SKI: variants seen among roughly 807,000 people sequenced by gnomAD.
SKI encodes ski oncogene.
SKI carries 23 observed loss-of-function variants against 59.3 expected under a neutral mutation model. That is an observed-to-expected ratio of 0.39 (90% CI 0.28 to 0.55). The LOEUF (loss-of-function observed/expected upper bound fraction) is 0.55. SKI is among the 20% of genes least tolerant of loss of function. SKI has a pLI of 0.67. For synonymous variants in SKI, 673 were observed against 488.6 expected (o/e 1.38, Z -4.98); for missense variants, 1,017 against 1,038.9 (o/e 0.98, Z 0.29).
chr1:2,255,260 G>A (rs1039284811), intron 1 of SKI, among the ~76,000 whole-genome samples: 2 of 152,034 alleles, frequency 1.3e-5, no homozygotes, highest in South Asian at 2.1e-4. Flanking sequence ...AGTGTGACAA[G>A]CACTATGGTG....
In SKI at chr1:2,268,074, G is replaced by C. The variant is rs1410182333; in HGVS notation, c.970-34904G>C. On this transcript the variant is annotated intron_variant, in intron 1 of 6. Transcript: ENST00000378536. The surrounding 1 kb of genome is among the most constrained non-coding windows in gnomAD (Gnocchi z 5.0). ...AGGCCAGGGCACTCCCAACAGCACT[G>C]CGTGGAGCTGGTGCCCACCCCTGTG... 6.6e-6 allele frequency among the ~76,000 whole-genome samples: 1 copy of C among 152,224 alleles called. No homozygotes were observed. Among genetic ancestry groups the C allele is most frequent in the African/African-American group, 2.4e-5 (1 of 41,472 alleles).
At chr1:2,261,533 T>C (rs1246800629) in intron 1 of SKI, among the ~76,000 whole-genome samples, 1 of 152,246 alleles carries the variant, frequency 6.6e-6, no homozygotes, top group Non-Finnish European at 1.5e-5. Flanking sequence ...AAATAATATA[T>C]TTTAAAAATT....
intron 1 of SKI, among the ~76,000 whole-genome samples, chr1:2,232,157 T>A (rs1208711906): frequency 2.0e-5 from 3 of 152,258 alleles, no homozygotes; most frequent in Admixed American, 2.0e-4. Flanking sequence ...TCTCGGGATA[T>A]GTTTTGATTT....
intron 5 of SKI, 38 bp downstream of exon 5, chr1:2,304,623 G>C (rs534115343): frequency 3.9e-6 from 6 of 1,521,682 alleles, no homozygotes; most frequent in African/African-American, 1.4e-5. Flanking sequence ...TCCAGGGCAC[G>C]GGCAGTGAGC....
At chr1:2,294,672 A>T (rs1453577014) in intron 1 of SKI, among the ~76,000 whole-genome samples, 1 of 152,082 alleles carries the variant, frequency 6.6e-6, no homozygotes. Flanking sequence ...ATGGCTATGC[A>T]TGTTTGTCCC....
At chr1:2,288,002 C>T (rs1225171062) in intron 1 of SKI, among the ~76,000 whole-genome samples, 6 of 149,640 alleles carry the variant, frequency 4.0e-5, no homozygotes, top group Non-Finnish European at 7.4e-5. Flanking sequence ...TTTTTTTCTT[C>T]CTTGAGACGG....
At chr1:2,295,009 G>A (rs1640251033) in intron 1 of SKI, among the ~76,000 whole-genome samples, 1 of 152,274 alleles carries the variant, frequency 6.6e-6, no homozygotes, top group Non-Finnish European at 1.5e-5. Flanking sequence ...CCCTAAAGTG[G>A]ATGTCAGGCC....
intron 1 of SKI, among the ~76,000 whole-genome samples, chr1:2,230,357 C>T (rs994245381): frequency 1.3e-5 from 2 of 152,104 alleles, no homozygotes; most frequent in Non-Finnish European, 2.9e-5. Context: ...CGAGACTTGG[C>T]GGCTCCAGCA....
chr1:2,271,488 G>A (rs780151448), intron 1 of SKI, among the ~76,000 whole-genome samples: 4 of 152,142 alleles, frequency 2.6e-5, no homozygotes, highest in South Asian at 2.1e-4. Flanking sequence ...GGCCTCCAGC[G>A]TGGCGATTAA....
intron 5 of SKI, among the ~76,000 whole-genome samples, chr1:2,305,451 C>T (rs1640546124): frequency 6.6e-6 from 1 of 151,966 alleles, no homozygotes; most frequent in Non-Finnish European, 1.5e-5. Flanking sequence ...CGTGCCAGTC[C>T]CTCGCCCCAG....
At chr1:2,274,332 G>A (rs140277284) in intron 1 of SKI, among the ~76,000 whole-genome samples, 4 of 152,248 alleles carry the variant, frequency 2.6e-5, no homozygotes, top group African/African-American at 7.2e-5. Context: ...GCCGGCTCAC[G>A]GTTCTTCTCT....
In SKI at chr1:2,309,190, T is replaced by G. The variant is rs1355480705; in HGVS notation, c.*2425T>G. The stretch of plus-strand genomic sequence containing the variant: ...CCGAGGGGTGCACGCCTGGCTCCCC[T>G]TGGCACAGGTGCGAGTCCGTTTCTT... On this transcript the variant is annotated 3_prime_UTR_variant, in exon 7 of 7. Transcript: ENST00000378536. The G allele has an allele frequency of 6.6e-6, 1 of 152,218 alleles. No homozygotes were observed. The highest frequency in any genetic ancestry group is 1.5e-5 in the Non-Finnish European group (1 of 68,056). The allele number at this position is 152,218 out of a possible 1,614,324, so 9.4% of individuals were successfully genotyped here. A position where few individuals can be genotyped will look rare whatever the true frequency, so the allele number is the denominator to read the frequency against.
In SKI at chr1:2,306,200, T is replaced by C; in HGVS notation, c.1948T>C (p.Cys650Arg). ...ELEQARQARVCDKGCEAGRLR... is the reference protein window; with the variant it reads ...ELEQARQARVRDKGCEAGRLR... ...GGAGCAGGCGCGGCAGGCCCGGGTG[T>C]GCGACAAGGGCTGCGAGGCGGGCCG... The change falls in exon 6 of 7, where the codon TGC (cysteine) becomes CGC (arginine). Residue 650 changes from cysteine (C) to arginine (R), a missense_variant. Coordinates refer to ENST00000378536, the MANE Select transcript of SKI (RefSeq NM_003036.4). 1 of 1,581,806 alleles carries C rather than the reference T, an allele frequency of 6.3e-7. No homozygotes were observed. The highest frequency in any genetic ancestry group is 8.6e-7 in the Non-Finnish European group (1 of 1,164,978).
chr1:2,245,559 A>C (rs1395680452), intron 1 of SKI, among the ~76,000 whole-genome samples: 1 of 150,704 alleles, frequency 6.6e-6, no homozygotes, highest in East Asian at 2.0e-4. Context: ...TGCAGCCTCC[A>C]CCTCCTCCTG....
rs113512851 is a variant in SKI at position 2,269,832 on chromosome 1, C to T, written c.970-33146C>T. On this transcript the variant is annotated intron_variant, in intron 1 of 6. Transcript: ENST00000378536. The surrounding 1 kb of genome is among the most constrained non-coding windows in gnomAD (Gnocchi z 4.7). Reference sequence around the variant, plus strand: ...CGGGTCTGGTGGTGCCTGTGGCTGGCGTGGGTCTGGCGGGTCTGGTGGTGC... The same window carrying T: ...CGGGTCTGGTGGTGCCTGTGGCTGGTGTGGGTCTGGCGGGTCTGGTGGTGC... Among the ~76,000 whole-genome samples the T allele has an allele frequency of 1.6e-5, 2 of 126,360 alleles. No homozygotes were observed. Among genetic ancestry groups the T allele is most frequent in the East Asian group, 2.3e-4 (1 of 4,264 alleles). 82.9% of individuals were successfully genotyped at this position (126,360 alleles called of 152,430 possible).
At chr1:2,305,086 G>A (rs1162389402) in intron 5 of SKI, among the ~76,000 whole-genome samples, 1 of 152,210 alleles carries the variant, frequency 6.6e-6, no homozygotes, top group East Asian at 1.9e-4. Context: ...CCAGAAGGCG[G>A]CTCCCGCCAG....
At chr1:2,279,077 C>T (rs555854091) in intron 1 of SKI, among the ~76,000 whole-genome samples, 25 of 152,316 alleles carry the variant, frequency 1.6e-4, no homozygotes, top group Middle Eastern at 3.4e-3. Flanking sequence ...GGGTGGTCGC[C>T]TGGACTCTGC....
At chr1:2,266,325 C>T (rs566804256) in intron 1 of SKI, among the ~76,000 whole-genome samples, 2 of 152,280 alleles carry the variant, frequency 1.3e-5, no homozygotes, top group African/African-American at 2.4e-5. Flanking sequence ...GCGGAATTGC[C>T]AGGGGCCTCT....
chr1:2,244,728 C>T (rs1638955388), intron 1 of SKI, among the ~76,000 whole-genome samples: 1 of 152,022 alleles, frequency 6.6e-6, no homozygotes, highest in Admixed American at 6.6e-5. Context: ...GTAACTTGTG[C>T]ATATTACATT....
Sources: gnomAD v4.1 joint callset for allele counts (sites outside exome capture counted in the v4.1 genomes callset) on GRCh38, gnomAD v4.1.1 for gene constraint, Gnocchi (gnomAD v3.1) non-coding constraint, MANE v1.5 for transcripts, NCBI Gene and HGNC (gene_info 2026-07-23, HGNC 2026-07-21) for gene names.